Variants in ADCY2 observed in about 807,000 individuals in gnomAD.
ADCY2 encodes adenylate cyclase type 2.
ADCY2 carries 31 observed loss-of-function variants against 125.2 expected under a neutral mutation model. That is an observed-to-expected ratio of 0.25 (90% CI 0.19 to 0.33). ADCY2 has a LOEUF of 0.33. Among genes scored for constraint, ADCY2 ranks in the 10% least tolerant of loss-of-function variants. The pLI is 1.00. For synonymous variants in ADCY2, 512 were observed against 548.4 expected, an observed-to-expected ratio of 0.93 and a Z score of 0.93; for missense variants, 904 against 1,418.2, an observed-to-expected ratio of 0.64 and a Z score of 5.82.
At chr5:7,588,997 C>T (rs1294831281) in intron 3 of ADCY2, among the ~76,000 whole-genome samples, 2 of 152,310 alleles carry the variant, frequency 1.3e-5, no homozygotes, top group Non-Finnish European at 1.5e-5. Context: ...TAAACCTTCA[C>T]TATCCAACAG....
chr5:7,573,734 T>A (rs1376780806), intron 3 of ADCY2, among the ~76,000 whole-genome samples: 1 of 149,860 alleles, frequency 6.7e-6, no homozygotes, highest in African/African-American at 2.4e-5. Flanking sequence ...TTTAAACTCT[T>A]TTTTTTGTTT....
chr5:7,601,527 C>CA (rs1322611869), intron 3 of ADCY2, among the ~76,000 whole-genome samples: 1 of 152,186 alleles, frequency 6.6e-6, no homozygotes, highest in Non-Finnish European at 1.5e-5. Flanking sequence ...ATTGAAACTG[C>CA]ATGGAACTAA....
chr5:7,469,890 G>A (rs887905297), intron 2 of ADCY2, among the ~76,000 whole-genome samples: 2 of 150,952 alleles, frequency 1.3e-5, no homozygotes, highest in South Asian at 4.2e-4. Context: ...TTCTGATTTG[G>A]TAAGGCTTTG....
chr5:7,757,398 G>A (rs1249884725), intron 15 of ADCY2, 51 bp from the exon 16 acceptor site: 4 of 1,594,226 alleles, frequency 2.5e-6, no homozygotes, highest in Admixed American at 1.7e-5. Context: ...AGAAACTGGA[G>A]AGAAGTCATC....
At chr5:7,679,622 G>A (rs1400358786) in intron 4 of ADCY2, among the ~76,000 whole-genome samples, 3 of 152,206 alleles carry the variant, frequency 2.0e-5, no homozygotes, top group South Asian at 4.1e-4. Context: ...CTGCTTCACT[G>A]GATGTGGACT....
intron 3 of ADCY2, among the ~76,000 whole-genome samples, chr5:7,536,391 G>A (rs1459189697): frequency 6.6e-6 from 1 of 152,134 alleles, no homozygotes; most frequent in Non-Finnish European, 1.5e-5. Flanking sequence ...AGAACAAGAG[G>A]CGACTTGAAA....
At chr5:7,764,684 A>G (rs1038006148) in intron 16 of ADCY2, among the ~76,000 whole-genome samples, 1 of 152,224 alleles carries the variant, frequency 6.6e-6, no homozygotes, top group Non-Finnish European at 1.5e-5. Flanking sequence ...CATTGTCCCA[A>G]TTGTGACAAA....
At chr5:7,532,404 A>G (rs1734679396) in intron 3 of ADCY2, among the ~76,000 whole-genome samples, 1 of 152,196 alleles carries the variant, frequency 6.6e-6, no homozygotes, top group Non-Finnish European at 1.5e-5. Context: ...GTAAGTAGTC[A>G]TGTCATTTTC....
chr5:7,761,148 CTT>C (rs367998018), intron 16 of ADCY2, among the ~76,000 whole-genome samples: 1,024 of 88,132 alleles, frequency 0.012, 10 homozygotes, highest in African/African-American at 0.045. Flanking sequence ...CTTTTCTTTT[CTT>C]TTTTTTTTTT....
chr5:7,729,074 G>C (rs1317139892), intron 14 of ADCY2, among the ~76,000 whole-genome samples: 1 of 152,094 alleles, frequency 6.6e-6, no homozygotes, highest in Non-Finnish European at 1.5e-5. Flanking sequence ...GGTTGCATTT[G>C]CTCTAAGGAA....
chr5:7,809,604 T>G (rs1353065122), intron 22 of ADCY2, among the ~76,000 whole-genome samples: 2 of 152,238 alleles, frequency 1.3e-5, no homozygotes, highest in Non-Finnish European at 2.9e-5. Flanking sequence ...GTCTTTTTCT[T>G]AAATCCAAAA....
At chr5:7,724,114 CAAAAAAAAAA>C (rs1272949604) in intron 12 of ADCY2, among the ~76,000 whole-genome samples, 41 of 76,570 alleles carry the variant, frequency 5.4e-4, no homozygotes, top group Admixed American at 2.0e-3. Flanking sequence ...TAGAAGCTAA[CAAAAAAAAAA>C]AAAAAAAAAA....
chr5:7,489,473 G>A (rs1321972330), intron 2 of ADCY2, among the ~76,000 whole-genome samples: 1 of 152,134 alleles, frequency 6.6e-6, no homozygotes, highest in Non-Finnish European at 1.5e-5. Context: ...ATCTTGGCAT[G>A]ATTCTATCAC....
intron 2 of ADCY2, among the ~76,000 whole-genome samples, chr5:7,450,611 T>C (rs1309700213): frequency 6.6e-6 from 1 of 152,188 alleles, no homozygotes; most frequent in Non-Finnish European, 1.5e-5. Flanking sequence ...GTGGCCACAC[T>C]AAATGACAGA....
chr5:7,425,576 A>G (rs1192630546), intron 2 of ADCY2, among the ~76,000 whole-genome samples: 1 of 152,232 alleles, frequency 6.6e-6, no homozygotes, highest in African/African-American at 2.4e-5. Context: ...CAGAGTTTAA[A>G]TTATTTCCTG....
At chr5:7,425,966 G>A (rs1366062011) in intron 2 of ADCY2, among the ~76,000 whole-genome samples, 1 of 152,148 alleles carries the variant, frequency 6.6e-6, no homozygotes, top group Non-Finnish European at 1.5e-5. Context: ...CTTCCCATCA[G>A]GCCCAGCCTT....
At chr5:7,666,140 TATTTAA>T (rs1739715994) in intron 4 of ADCY2, among the ~76,000 whole-genome samples, 1 of 150,950 alleles carries the variant, frequency 6.6e-6, no homozygotes. Context: ...GCCCAGCCCT[TATTTAA>T]TTCTTAGGAA....
chr5:7,557,208 G>C (rs890946697), intron 3 of ADCY2, among the ~76,000 whole-genome samples: 42 of 83,934 alleles, frequency 5.0e-4, no homozygotes, highest in Non-Finnish European at 1.3e-3. Flanking sequence ...TATAACTCAA[G>C]TGAGTGTATC....
At chr5:7,479,686 T>C (rs1015663770) in intron 2 of ADCY2, among the ~76,000 whole-genome samples, 1 of 152,168 alleles carries the variant, frequency 6.6e-6, no homozygotes, top group African/African-American at 2.4e-5. Context: ...CTAGGTCTTA[T>C]TTATTCTTTA....
Sources: allele counts gnomAD v4.1 joint callset (sites outside exome capture counted in the v4.1 genomes callset), GRCh38; gene constraint gnomAD v4.1.1; transcripts MANE v1.5; gene names NCBI Gene and HGNC (gene_info 2026-07-23, HGNC 2026-07-21).